MAMDC2: variants seen among roughly 807,000 people sequenced by gnomAD.
The protein encoded by MAMDC2 is MAM domain containing 2.
In MAMDC2, 57 loss-of-function variants were observed where a neutral mutation model predicts 89.8. The observed-to-expected ratio is 0.63, with a 90% CI of 0.51 to 0.79. The LOEUF is 0.79. Ranked by LOEUF, MAMDC2 falls within the 30% of genes least tolerant of loss-of-function variation. The pLI, the probability that MAMDC2 is intolerant of heterozygous loss-of-function variation, is 0.00. For missense variants in MAMDC2, 800 were observed against 820.6 expected (o/e 0.97, Z 0.31); for synonymous variants, 313 against 293.4 (o/e 1.07, Z -0.68).
At chr9:70,200,398 T>C in intron 11 of MAMDC2, among the ~76,000 whole-genome samples, 1 of 148,232 alleles carries the variant, frequency 6.7e-6, no homozygotes, top group East Asian at 2.0e-4. Flanking sequence ...TCTGTTCTGT[T>C]CCATTGATCT....
intron 2 of MAMDC2, among the ~76,000 whole-genome samples, chr9:70,080,514 T>C (rs1170947086): frequency 6.6e-6 from 1 of 152,240 alleles, no homozygotes. Context: ...TGGAAATTTT[T>C]ATTTTTATTT....
At chr9:70,207,291 T>G (rs10123475) in intron 11 of MAMDC2, among the ~76,000 whole-genome samples, 129,936 of 151,670 alleles carry the variant, frequency 0.86, 55,897 homozygotes, top group East Asian at 0.96. Context: ...TCCAGCACCT[T>G]TTGTTTCCTG....
intron 11 of MAMDC2, among the ~76,000 whole-genome samples, chr9:70,196,392 A>G (rs184406762): frequency 6.6e-6 from 1 of 152,248 alleles, no homozygotes; most frequent in Admixed American, 6.5e-5. Context: ...AACATGAAAA[A>G]GGCATTAAAT....
chr9:70,217,214 GT>G, intron 11 of MAMDC2: 1 of 799,752 alleles, frequency 1.3e-6, no homozygotes. Flanking sequence ...GAGCTGTGCA[GT>G]TTTAGTGGGT....
intron 11 of MAMDC2, among the ~76,000 whole-genome samples, chr9:70,213,630 G>GA (rs1564002303): frequency 1.3e-5 from 2 of 152,112 alleles, no homozygotes; most frequent in Non-Finnish European, 2.9e-5. Context: ...ACCTAAGTTA[G>GA]AAAATGTTAA....
intron 11 of MAMDC2, among the ~76,000 whole-genome samples, chr9:70,214,700 C>G (rs890448938): frequency 6.6e-6 from 1 of 152,146 alleles, no homozygotes. Flanking sequence ...ATGATAGCAG[C>G]TTGGACCAGG....
At chr9:70,162,102 C>G (rs533510871) in intron 9 of MAMDC2, among the ~76,000 whole-genome samples, 16 of 152,218 alleles carry the variant, frequency 1.1e-4, no homozygotes, top group Admixed American at 1.0e-3. Flanking sequence ...TAATTATAGG[C>G]CTAAATGGGG....
chr9:70,048,445 T>C (rs910503611), intron 2 of MAMDC2, among the ~76,000 whole-genome samples: 1 of 152,102 alleles, frequency 6.6e-6, no homozygotes, highest in East Asian at 1.9e-4. Flanking sequence ...TCAGGAGGCA[T>C]GTGCTACCAC....
intron 2 of MAMDC2, among the ~76,000 whole-genome samples, chr9:70,093,427 T>TG (rs1280894411): frequency 6.6e-6 from 1 of 151,324 alleles, no homozygotes; most frequent in Non-Finnish European, 1.5e-5. Flanking sequence ...GGACAGTTTT[T>TG]TTTTTTTTTT....
chr9:70,086,261 T>A (rs1328238053), intron 2 of MAMDC2: 1 of 152,198 alleles, frequency 6.6e-6, no homozygotes, highest in Non-Finnish European at 1.5e-5. Context: ...TACTGTTATA[T>A]GCTTTCATAA....
chr9:70,070,793 A>G (rs972017160), intron 2 of MAMDC2, among the ~76,000 whole-genome samples: 1 of 151,914 alleles, frequency 6.6e-6, no homozygotes, highest in East Asian at 1.9e-4. Context: ...TTATTTGCCT[A>G]TTTTCCTACA....
intron 5 of MAMDC2, 22 bp downstream of exon 5, chr9:70,113,154 T>C (rs1264969984): frequency 2.5e-6 from 4 of 1,612,476 alleles, no homozygotes; most frequent in Non-Finnish European, 3.4e-6. Context: ...TCAAATAGAG[T>C]CCTTTTCCCA....
intron 11 of MAMDC2, among the ~76,000 whole-genome samples, chr9:70,191,213 GAC>G (rs1250242976): frequency 3.3e-5 from 5 of 152,048 alleles, no homozygotes; most frequent in African/African-American, 1.2e-4. Flanking sequence ...AGTTTATTGT[GAC>G]AGTTTTTTTG....
chr9:70,105,522 G>A (rs10511979), intron 2 of MAMDC2, among the ~76,000 whole-genome samples: 12,566 of 152,186 alleles, frequency 0.083, 749 homozygotes, highest in East Asian at 0.21. Context: ...GGACTGTAAT[G>A]CTGCTAAGAG....
chr9:70,071,672 T>C (rs935807360), intron 2 of MAMDC2: 2 of 152,202 alleles, frequency 1.3e-5, no homozygotes, highest in Non-Finnish European at 2.9e-5. Context: ...ATTTTTTACT[T>C]CTGCAGTGGT....
chr9:70,113,290 G>A (rs753711527), intron 5 of MAMDC2, among the ~76,000 whole-genome samples, 158 bp downstream of exon 5: 6 of 152,184 alleles, frequency 3.9e-5, no homozygotes, highest in Admixed American at 1.3e-4. Flanking sequence ...TGTGACAGAA[G>A]AGTAGGGAAG....
At chr9:70,087,328 G>GTA (rs1157382087) in intron 2 of MAMDC2, 1 of 152,164 alleles carries the variant, frequency 6.6e-6, no homozygotes, top group Non-Finnish European at 1.5e-5. Context: ...TCAAGGGCAT[G>GTA]TAGGGGCTTA....
chr9:70,146,206 C>T (rs984350196), intron 9 of MAMDC2, among the ~76,000 whole-genome samples: 2 of 152,184 alleles, frequency 1.3e-5, no homozygotes, highest in African/African-American at 4.8e-5. Context: ...TAGGAATTTG[C>T]CCTTTTCTTC....
At chr9:70,115,469 C>T (rs2118289385) in intron 5 of MAMDC2, among the ~76,000 whole-genome samples, 1 of 152,212 alleles carries the variant, frequency 6.6e-6, no homozygotes, top group East Asian at 1.9e-4. Flanking sequence ...ATTCTCCCTG[C>T]CTCAGCCTCC....
Sources: gnomAD v4.1 joint callset for allele counts (sites outside exome capture counted in the v4.1 genomes callset) on GRCh38, gnomAD v4.1.1 for gene constraint, MANE v1.5 for transcripts, NCBI Gene and HGNC (gene_info 2026-07-23, HGNC 2026-07-21) for gene names.